GRID2: variants seen among roughly 807,000 people sequenced by gnomAD.
The protein encoded by GRID2 is glutamate ionotropic receptor delta type subunit 2.
In GRID2, 33 loss-of-function variants were observed where a neutral mutation model predicts 114.8. That is an observed-to-expected ratio of 0.29 (90% CI 0.22 to 0.38). The LOEUF (loss-of-function observed/expected upper bound fraction) is 0.38, where lower values mean the gene tolerates loss of function less well. Among genes scored for constraint, GRID2 ranks in the 10% least tolerant of loss-of-function variants. The pLI, the probability that GRID2 is intolerant of heterozygous loss-of-function variation, is 1.00. For synonymous variants in GRID2, 505 were observed against 449.9 expected (o/e 1.12, Z -1.55); for missense variants, 1,184 against 1,257.7 (o/e 0.94, Z 0.89).
intron 1 of GRID2, among the ~76,000 whole-genome samples, chr4:92,584,192 G>A (rs1354549978): frequency 1.3e-5 from 2 of 151,878 alleles, no homozygotes; most frequent in Non-Finnish European, 2.9e-5. Flanking sequence ...AAATAAAGGA[G>A]AAATCTGATT....
At chr4:92,630,179 G>C (rs2149245366) in intron 2 of GRID2, among the ~76,000 whole-genome samples, 1 of 152,052 alleles carries the variant, frequency 6.6e-6, no homozygotes, top group South Asian at 2.1e-4. Flanking sequence ...GTTGAACATG[G>C]TGTAGCCGTT....
intron 1 of GRID2, among the ~76,000 whole-genome samples, chr4:92,568,604 T>A (rs1044554437): frequency 6.6e-5 from 10 of 152,008 alleles, no homozygotes; most frequent in Admixed American, 3.3e-4. Context: ...CAGGGGTACA[T>A]GTGCAGGTTT....
At chr4:92,337,362 ATTG>A (rs1336908760) in intron 1 of GRID2, among the ~76,000 whole-genome samples, 1 of 152,164 alleles carries the variant, frequency 6.6e-6, no homozygotes, top group Admixed American at 6.6e-5. Flanking sequence ...AATTAAAGGC[ATTG>A]TAGCTTAAGT....
At chr4:93,528,454 G>GT (rs1317839107) in intron 13 of GRID2, among the ~76,000 whole-genome samples, 1 of 132,918 alleles carries the variant, frequency 7.5e-6, no homozygotes, top group East Asian at 2.1e-4. Context: ...CATTTATTTT[G>GT]TTTTTTTGAT....
chr4:93,211,015 T>C lies in GRID2; in HGVS notation c.789+3558T>C, dbSNP rs115875422. 8.8e-3 allele frequency among the ~76,000 whole-genome samples: 1,340 copies of C among 152,216 alleles called. 19 individuals are homozygous for C. The highest frequency in any genetic ancestry group is 0.031 in the African/African-American group (1,275 of 41,572). On this transcript the variant is annotated intron_variant, in intron 5 of 15. Coordinates refer to ENST00000282020, the MANE Select transcript of GRID2 (RefSeq NM_001510.4). ...GAAAAATAAAGTGACTTCTTACCTC[T>C]TTAGAGAAATGGATTAATCTGGACA...
At chr4:93,369,696 C>T (rs544636316) in intron 8 of GRID2, among the ~76,000 whole-genome samples, 4 of 152,196 alleles carry the variant, frequency 2.6e-5, no homozygotes, top group Non-Finnish European at 4.4e-5. Flanking sequence ...TCTGTGTTGA[C>T]CAGGCTGGTC....
At chr4:93,791,801 T>C (rs1450980797) in intron 1 of GRID2, among the ~76,000 whole-genome samples, 2 of 151,406 alleles carry the variant, frequency 1.3e-5, no homozygotes, top group Non-Finnish European at 2.9e-5. Flanking sequence ...CGCTGTGGTA[T>C]CATTTGTTGA....
chr4:92,952,564 A>G (rs1292668241), intron 2 of GRID2, among the ~76,000 whole-genome samples: 1 of 152,178 alleles, frequency 6.6e-6, no homozygotes, highest in East Asian at 1.9e-4. Flanking sequence ...GTCTAGTACA[A>G]TTATATTAAG....
intron 13 of GRID2, among the ~76,000 whole-genome samples, chr4:93,616,807 A>G (rs1741706568): frequency 1.3e-5 from 2 of 151,624 alleles, no homozygotes; most frequent in South Asian, 4.2e-4. Context: ...CCTGGCTAAC[A>G]TAGTGAAACC....
intron 4 of GRID2, among the ~76,000 whole-genome samples, chr4:93,121,354 C>G (rs1426305151): frequency 6.6e-6 from 1 of 152,154 alleles, no homozygotes; most frequent in African/African-American, 2.4e-5. Context: ...CAAAGGTATC[C>G]TGACTTTTAA....
chr4:93,537,261 C>T (rs1316149874), intron 13 of GRID2, among the ~76,000 whole-genome samples: 9 of 151,646 alleles, frequency 5.9e-5, no homozygotes, highest in South Asian at 2.1e-4. Context: ...AGTAGTCTCT[C>T]GATTTATTAT....
At chr4:93,184,045 G>A (rs1022564175) in intron 4 of GRID2, among the ~76,000 whole-genome samples, 1 of 152,160 alleles carries the variant, frequency 6.6e-6, no homozygotes, top group African/African-American at 2.4e-5. Flanking sequence ...CTGTGGATGA[G>A]GAAGTGAAGC....
At position 93,018,479 on chromosome 4, in the gene GRID2, G is replaced by A. The variant is rs143783643; in HGVS notation, c.245-66516G>A. Among the ~76,000 whole-genome samples, 544 of 152,128 alleles carry A rather than the reference G, an allele frequency of 3.6e-3. 1 individual carries two copies. The highest frequency in any genetic ancestry group is 0.011 in the African/African-American group (473 of 41,514). The stretch of plus-strand genomic sequence containing the variant: ...GTGGAGGTTTTATTTATTTTGAGTC[G>A]TTATTCATCCATCACTGGTTTTCAC... On this transcript the variant is annotated intron_variant, in intron 2 of 15. Coordinates refer to ENST00000282020, the MANE Select transcript of GRID2 (RefSeq NM_001510.4).
intron 1 of GRID2, among the ~76,000 whole-genome samples, chr4:92,358,034 A>G (rs1449780790): frequency 1.3e-5 from 2 of 151,958 alleles, no homozygotes; most frequent in African/African-American, 4.8e-5. Flanking sequence ...ACTTCATGGT[A>G]TAACTGGCAT....
intron 2 of GRID2, among the ~76,000 whole-genome samples, chr4:92,666,647 G>GATTT (rs1732791191): frequency 1.4e-5 from 1 of 72,770 alleles, no homozygotes; most frequent in South Asian, 3.7e-4. Context: ...AAACTTAAGG[G>GATTT]TTGTTTTTTT....
At chr4:92,653,378 A>C (rs750038361) in intron 2 of GRID2, among the ~76,000 whole-genome samples, 1 of 151,380 alleles carries the variant, frequency 6.6e-6, no homozygotes. Flanking sequence ...TTCAGGAGCT[A>C]GAGAAATTTC....
chr4:93,460,402 T>A (rs577810087), intron 11 of GRID2, among the ~76,000 whole-genome samples: 2 of 152,304 alleles, frequency 1.3e-5, no homozygotes, highest in Non-Finnish European at 1.5e-5. Context: ...GTGCCTTTGT[T>A]ACCAACCTGA....
chr4:92,818,199 T>C (rs557167546), intron 2 of GRID2, among the ~76,000 whole-genome samples: 2 of 152,260 alleles, frequency 1.3e-5, no homozygotes, highest in South Asian at 4.1e-4. Context: ...AATTATAAAC[T>C]GATAAGCAGA....
intron 1 of GRID2, among the ~76,000 whole-genome samples, chr4:92,530,913 G>T (rs537454393): frequency 6.6e-6 from 1 of 151,478 alleles, no homozygotes; most frequent in East Asian, 2.0e-4. Flanking sequence ...TCTTGGCGGG[G>T]GGGGAGAAAG....
Sources: gnomAD v4.1 joint callset for allele counts (sites outside exome capture counted in the v4.1 genomes callset) on GRCh38, gnomAD v4.1.1 for gene constraint, MANE v1.5 for transcripts, NCBI Gene and HGNC (gene_info 2026-07-23, HGNC 2026-07-21) for gene names.